Variants in NRAP observed in about 807,000 individuals in gnomAD.
NRAP encodes nebulin-related-anchoring protein.
NRAP carries 189 observed loss-of-function variants against 225.9 expected under a neutral mutation model. The ratio of observed to expected loss-of-function variants is 0.84; its 90% CI spans 0.74 to 0.94. The LOEUF (loss-of-function observed/expected upper bound fraction) is 0.94. NRAP is among the 40% of genes least tolerant of loss of function. The pLI is 0.00. For synonymous variants in NRAP, 769 were observed against 790.7 expected, an observed-to-expected ratio of 0.97 and a Z score of 0.46; for missense variants, 2,176 against 2,168.7, an observed-to-expected ratio of 1.00 and a Z score of -0.07.
chr10:113,625,642 T>C (rs1848244487), intron 21 of NRAP, among the ~76,000 whole-genome samples: 1 of 152,224 alleles, frequency 6.6e-6, no homozygotes, highest in Non-Finnish European at 1.5e-5. Context: ...TTCTTTGTTC[T>C]GGCCCCATAA....
chr10:113,652,853 A>G (rs976606170), intron 6 of NRAP, 82 bp downstream of exon 6: 8 of 894,056 alleles, frequency 8.9e-6, no homozygotes, highest in Admixed American at 5.9e-5. Flanking sequence ...GCACTCTCTT[A>G]CTGTTTTTTC....
chr10:113,636,539 G>C (rs1376870498), intron 14 of NRAP, among the ~76,000 whole-genome samples: 2 of 152,184 alleles, frequency 1.3e-5, no homozygotes, highest in African/African-American at 4.8e-5. Flanking sequence ...AAGGAGTCGA[G>C]AGGACTATGG....
chr10:113,628,568 A>G (rs1848408789), intron 20 of NRAP, among the ~76,000 whole-genome samples: 1 of 152,206 alleles, frequency 6.6e-6, no homozygotes, highest in South Asian at 2.1e-4. Flanking sequence ...TGAAAACAGT[A>G]TCCTCCAAAT....
At chr10:113,616,168 G>A (rs887925600) in intron 26 of NRAP, among the ~76,000 whole-genome samples, 4 of 152,154 alleles carry the variant, frequency 2.6e-5, no homozygotes, top group Admixed American at 2.0e-4. Flanking sequence ...GATACAGAAG[G>A]CGAGAAAGAA....
intron 29 of NRAP, among the ~76,000 whole-genome samples, chr10:113,613,542 C>T (rs532533177): frequency 1.3e-5 from 2 of 152,284 alleles, no homozygotes; most frequent in Middle Eastern, 6.8e-3. Context: ...ATTTCATCAC[C>T]AATGTTAGCC....
Position 113,589,052 on chromosome 10 carries a change from C to T in NRAP, c.5116G>A (p.Asp1706Asn), listed in dbSNP as rs897019165. Residue 1706 changes from aspartate (D) to asparagine (N), a missense_variant, in exon 42 of 42, where the codon GAT (aspartate) becomes AAT (asparagine). This residue lies in a region of NRAP where 445 missense variants were observed against 426.1 expected (regional missense o/e 1.04). Coordinates refer to ENST00000359988, the MANE Select transcript of NRAP (RefSeq NM_198060.4). Reference sequence around the variant, plus strand: ...GGGTTCACCTCCCCACTCTGATGATCTCCAGCCTCCACTGCTTCTGCCCCC... The same window carrying T: ...GGGTTCACCTCCCCACTCTGATGATTTCCAGCCTCCACTGCTTCTGCCCCC... ...YRGAEAVEAG[D>N]HQSGEVNPDA... is the part of the protein sequence containing the mutation. 14 of 1,614,022 alleles carry T rather than the reference C, an allele frequency of 8.7e-6. No individual in the cohort carries two copies. The highest frequency in any genetic ancestry group is 1.2e-5 in the Non-Finnish European group (14 of 1,179,996).
In NRAP at chr10:113,588,756, A is replaced by G. The variant is rs140949797; in HGVS notation, c.*219T>C. The G allele has an allele frequency of 4.6e-4, 263 of 568,588 alleles. No homozygotes were observed. The highest frequency in any genetic ancestry group is 4.3e-3 in the African/African-American group (228 of 53,478). The allele number at this position is 568,588 out of a possible 1,614,324, so 35.2% of individuals were successfully genotyped here. A position where few individuals can be genotyped will look rare whatever the true frequency, so the allele number is the denominator to read the frequency against. ...CACATCTTTATTCCTCAGCCCAGACACTCGAGGCACTCAACAGAATCAGCC... is the reference window on the plus strand; with the variant it reads ...CACATCTTTATTCCTCAGCCCAGACGCTCGAGGCACTCAACAGAATCAGCC... On this transcript the variant is annotated 3_prime_UTR_variant, in exon 42 of 42. Transcript: ENST00000359988.
At chr10:113,646,038 A>G in intron 10 of NRAP, 97 bp from the exon 11 acceptor site, 1 of 618,222 alleles carries the variant, frequency 1.6e-6, no homozygotes. Flanking sequence ...GTCAACATTT[A>G]CTTAATACAA....
chr10:113,617,572 T>A lies in NRAP; in HGVS notation c.2875-19A>T, dbSNP rs751450844. On this transcript the variant is annotated intron_variant, in intron 25 of 41. Transcript: ENST00000359988. ...ACTTCTTCTGTTGAGCAGAAAAAGA[T>A]CAAAGCTGTGAATTTTGTGCTGCTC... 2.0e-6 allele frequency: 3 copies of A among 1,469,828 alleles called. No individual in the cohort carries two copies. Among genetic ancestry groups the A allele is most frequent in the Non-Finnish European group, 2.9e-6 (3 of 1,048,426 alleles). 91.0% of individuals were successfully genotyped at this position (1,469,828 alleles called of 1,614,324 possible).
At position 113,631,516 on chromosome 10, in the gene NRAP, C is replaced by A; in HGVS notation, c.1835G>T (p.Ser612Ile). ...LLHSLQIAKM[S>I]SEVEYKKGFE... ...GGTTAGAAAAGAGTTTACCTCACTGCTCATCTTAGCAATCTGCAGGGAGTG... is the reference window on the plus strand; with the variant it reads ...GGTTAGAAAAGAGTTTACCTCACTGATCATCTTAGCAATCTGCAGGGAGTG... Residue 612 changes from serine to isoleucine, a missense_variant, in exon 18 of 42, where the codon AGC becomes ATC. Ser to Ile is a moderately radical substitution (Grantham distance 142). This residue lies in a region of NRAP where 1,708 missense variants were observed against 1,695.5 expected (regional missense o/e 1.01). Transcript: ENST00000359988. 1.3e-6 allele frequency: 2 copies of A among 1,599,960 alleles called. No homozygotes were observed. Among genetic ancestry groups the A allele is most frequent in the Non-Finnish European group, 1.7e-6 (2 of 1,172,470 alleles).
In NRAP at chr10:113,630,605, G is replaced by A. The variant is rs60560764; in HGVS notation, c.1843-820C>T. Among the ~76,000 whole-genome samples, 880 of 152,256 alleles carry A rather than the reference G, an allele frequency of 5.8e-3. 13 individuals are homozygous for A. Among genetic ancestry groups the A allele is most frequent in the African/African-American group, 0.02 (851 of 41,552 alleles). On this transcript the variant is annotated intron_variant, in intron 18 of 41. Transcript: ENST00000359988. Reference sequence around the variant, plus strand: ...ACTGCTGACTACCACATGGCTTTGGGAAAGACACAGTCTTTTTGACCCCCA... The same window carrying A: ...ACTGCTGACTACCACATGGCTTTGGAAAAGACACAGTCTTTTTGACCCCCA...
intron 3 of NRAP, among the ~76,000 whole-genome samples, chr10:113,658,687 C>A (rs1332626448): frequency 6.6e-6 from 1 of 151,894 alleles, no homozygotes; most frequent in Non-Finnish European, 1.5e-5. Flanking sequence ...TTGAGACCAG[C>A]CTGGCCAACA....
intron 23 of NRAP, 68 bp downstream of exon 23, chr10:113,623,461 C>T (rs1170962567): frequency 2.0e-6 from 2 of 985,594 alleles, no homozygotes; most frequent in South Asian, 1.5e-5. Flanking sequence ...CCCAGACACT[C>T]AGAGAATCTC....
intron 41 of NRAP, 116 bp downstream of exon 41, chr10:113,589,550 A>G (rs1278199073): frequency 1.3e-5 from 17 of 1,285,492 alleles, no homozygotes; most frequent in Admixed American, 2.2e-5. Flanking sequence ...GCTGCGTTTC[A>G]CACTTCTTTA....
chr10:113,618,569 C>T (rs375755041), intron 25 of NRAP, among the ~76,000 whole-genome samples: 18 of 152,388 alleles, frequency 1.2e-4, no homozygotes, highest in African/African-American at 4.3e-4. Flanking sequence ...ACAGAAAAGG[C>T]TTTCTGACCT....
chr10:113,599,527 TTTCAACTTGCCTTTTG>T (rs1395601530), intron 35 of NRAP, among the ~76,000 whole-genome samples: 18 of 152,226 alleles, frequency 1.2e-4, no homozygotes, highest in African/African-American at 4.3e-4. Context: ...GGGAGCGCTC[TTTCAACTTGCCTTTTG>T]TTGAGCTGAA....
chr10:113,604,840 C>T lies in NRAP; in HGVS notation c.3996G>A (p.Gln1332=). ...PQSVRDDPRI[Q]HCRRMGQLQS... is the part of the protein sequence containing the mutation. ...GCAGCTGGCCCATGCGCCGGCAGTG[C>T]TGGATCCGGGGGTCGTCTCTTACAC... The change falls in exon 35 of 42, where the codon CAG becomes CAA. Residue 1332 remains glutamine (Q), a synonymous_variant. Coordinates refer to ENST00000359988, the MANE Select transcript of NRAP (RefSeq NM_198060.4). The T allele has an allele frequency of 6.2e-7, 1 of 1,614,202 alleles. No individual in the cohort carries two copies. Among genetic ancestry groups the T allele is most frequent in the Non-Finnish European group, 8.5e-7 (1 of 1,180,038 alleles).
chr10:113,620,542 T>C, intron 25 of NRAP, 62 bp downstream of exon 25: 1 of 1,116,722 alleles, frequency 9.0e-7, no homozygotes, highest in Non-Finnish European at 1.4e-6. Flanking sequence ...ATTTTAATTT[T>C]ATACAGAGAC....
At chr10:113,605,614 C>A in intron 34 of NRAP, 148 bp downstream of exon 34, 1 of 626,476 alleles carries the variant, frequency 1.6e-6, no homozygotes, top group Non-Finnish European at 2.9e-6. Flanking sequence ...CTCAAAGAAT[C>A]TCATTCATAA....
Sources: gnomAD v4.1 joint callset for allele counts (sites outside exome capture counted in the v4.1 genomes callset) on GRCh38, gnomAD v4.1.1 for gene constraint, gnomAD v4.1.1 regional missense constraint, MANE v1.5 for transcripts, NCBI Gene and HGNC (gene_info 2026-07-23, HGNC 2026-07-21) for gene names.